The following RBPJ variants were observed in gnomAD, a reference collection of about 807,000 sequenced individuals.
RBPJ encodes the protein recombining binding protein suppressor of hairless.
A neutral mutation model predicts 67.8 loss-of-function variants in RBPJ; 9 were observed. The observed-to-expected ratio is 0.13, with a 90% CI of 0.08 to 0.23. RBPJ has a LOEUF of 0.23. RBPJ is among the 10% of genes least tolerant of loss of function. RBPJ has a pLI of 1.00. For synonymous variants in RBPJ, 198 were observed against 203.3 expected, an observed-to-expected ratio of 0.97 and a Z score of 0.22; for missense variants, 305 against 595.6, an observed-to-expected ratio of 0.51 and a Z score of 5.08.
At chr4:26,365,825 G>A (rs1289292563) in intron 1 of RBPJ, among the ~76,000 whole-genome samples, 4 of 152,126 alleles carry the variant, frequency 2.6e-5, no homozygotes, top group South Asian at 2.1e-4. Flanking sequence ...TTGTTAGAGA[G>A]TATCTAAGGA....
At chr4:26,122,095 G>T in the RBPJ span, among the ~76,000 whole-genome samples, 1 of 151,996 alleles carries the variant, frequency 6.6e-6, no homozygotes, top group East Asian at 1.9e-4. Flanking sequence ...TTTTATATAT[G>T]GACACATTTA....
At chr4:26,233,402 G>T (rs932896372) in intron 1 of RBPJ, among the ~76,000 whole-genome samples, 5 of 152,178 alleles carry the variant, frequency 3.3e-5, no homozygotes, top group Non-Finnish European at 7.4e-5. Flanking sequence ...CTTGCAAAAA[G>T]TTTCCTTCTT....
At chr4:26,411,240 G>A (rs1733978108) in intron 3 of RBPJ, among the ~76,000 whole-genome samples, 1 of 152,030 alleles carries the variant, frequency 6.6e-6, no homozygotes, top group Non-Finnish European at 1.5e-5. Context: ...GTGAAAGTCT[G>A]ACTCTGTCTT....
chr4:26,257,504 C>G (rs1720379915), intron 1 of RBPJ, among the ~76,000 whole-genome samples: 1 of 152,206 alleles, frequency 6.6e-6, no homozygotes, highest in Non-Finnish European at 1.5e-5. Context: ...TGGTGCATGC[C>G]TGTAATCCCA....
At chr4:26,226,434 T>G (rs941207191) in intron 1 of RBPJ, among the ~76,000 whole-genome samples, 1 of 152,202 alleles carries the variant, frequency 6.6e-6, no homozygotes, top group Non-Finnish European at 1.5e-5. Flanking sequence ...GTGATTGTAC[T>G]ACTGCACTTG....
In RBPJ at chr4:26,432,668, G is replaced by A. The variant is rs754065620; in HGVS notation, c.*1661G>A. On this transcript the variant is annotated 3_prime_UTR_variant, in exon 11 of 11. Transcript: ENST00000355476. ...CACGTGTGTAATGTTATACAACACA[G>A]TCTAGTAATACAATCATCCCTCTTA... The A allele has an allele frequency of 6.6e-6, 1 of 152,200 alleles. No individual in the cohort carries two copies. The highest frequency in any genetic ancestry group is 1.5e-5 in the Non-Finnish European group (1 of 68,032). The allele number at this position is 152,200 out of a possible 1,614,324, so 9.4% of individuals were successfully genotyped here.
At chr4:26,162,256 C>T (rs922715111), upstream of RBPJ, among the ~76,000 whole-genome samples, 17 of 152,314 alleles carry the variant, frequency 1.1e-4, no homozygotes, top group African/African-American at 3.8e-4. Flanking sequence ...GACAGCCGAC[C>T]GTCTCACTTT....
intron 1 of RBPJ, among the ~76,000 whole-genome samples, chr4:26,222,494 CA>C (rs35321984): frequency 0.15 from 8,746 of 58,860 alleles, 272 homozygotes; most frequent in African/African-American, 0.22. Flanking sequence ...AACTCAATCT[CA>C]AAAAAAAAAA....
intron 1 of RBPJ, among the ~76,000 whole-genome samples, chr4:26,211,235 T>G (rs1718412458): frequency 6.6e-6 from 1 of 152,166 alleles, no homozygotes; most frequent in Non-Finnish European, 1.5e-5. Context: ...TACATATGCC[T>G]AGTAGCACTT....
At chr4:26,335,890 T>C (rs1464745694) in intron 1 of RBPJ, among the ~76,000 whole-genome samples, 2 of 152,120 alleles carry the variant, frequency 1.3e-5, no homozygotes, top group Non-Finnish European at 2.9e-5. Context: ...CCCAAAGTGC[T>C]GGGATTACAG....
At chr4:26,358,111 G>A (rs891327712) in intron 1 of RBPJ, among the ~76,000 whole-genome samples, 2 of 151,190 alleles carry the variant, frequency 1.3e-5, no homozygotes, top group Non-Finnish European at 2.9e-5. Flanking sequence ...ATAAAATTGA[G>A]TTTGATAAAA....
intron 1 of RBPJ, among the ~76,000 whole-genome samples, chr4:26,351,714 G>A (rs1037659055): frequency 6.6e-6 from 1 of 152,190 alleles, no homozygotes; most frequent in Admixed American, 6.6e-5. Context: ...AACAATACAG[G>A]ACAATGGTAT....
At chr4:26,217,192 T>G (rs910895057) in intron 1 of RBPJ, among the ~76,000 whole-genome samples, 1 of 152,208 alleles carries the variant, frequency 6.6e-6, no homozygotes, top group Non-Finnish European at 1.5e-5. Flanking sequence ...AAAGGCAATA[T>G]GTAAAGACCA....
chr4:26,356,495 A>G (rs2109470769), intron 1 of RBPJ, among the ~76,000 whole-genome samples: 1 of 152,356 alleles, frequency 6.6e-6, no homozygotes, highest in East Asian at 1.9e-4. Flanking sequence ...CACTGTTACA[A>G]ATTTGAATAT....
At chr4:26,419,638 A>G (rs1468742577) in intron 4 of RBPJ, among the ~76,000 whole-genome samples, 1 of 152,308 alleles carries the variant, frequency 6.6e-6, no homozygotes, top group South Asian at 2.1e-4. Context: ...AAAAAATATA[A>G]TTCGATACTT....
chr4:26,393,064 C>T (rs1224085353), intron 2 of RBPJ, among the ~76,000 whole-genome samples: 1 of 152,104 alleles, frequency 6.6e-6, no homozygotes, highest in Non-Finnish European at 1.5e-5. Flanking sequence ...CCAGGCTGGT[C>T]TCGAACTCCT....
At chr4:26,211,182 C>G (rs558046611) in intron 1 of RBPJ, among the ~76,000 whole-genome samples, 1 of 152,074 alleles carries the variant, frequency 6.6e-6, no homozygotes, top group East Asian at 1.9e-4. Context: ...ACCATATGCA[C>G]GTGTATGTGT....
intron 2 of RBPJ, among the ~76,000 whole-genome samples, chr4:26,390,330 T>C (rs966418105): frequency 6.6e-6 from 1 of 152,202 alleles, no homozygotes; most frequent in African/African-American, 2.4e-5. Context: ...GTTTTTCCTC[T>C]AACATTAGGA....
At chr4:26,336,968 G>A (rs1048425231) in intron 1 of RBPJ, among the ~76,000 whole-genome samples, 47 of 151,952 alleles carry the variant, frequency 3.1e-4, no homozygotes, top group African/African-American at 1.1e-3. Context: ...TTTGTTTAGC[G>A]TTTTTTGTTT....
Sources: allele counts gnomAD v4.1 joint callset (sites outside exome capture counted in the v4.1 genomes callset), GRCh38; gene constraint gnomAD v4.1.1; transcripts MANE v1.5; gene names NCBI Gene and HGNC (gene_info 2026-07-23, HGNC 2026-07-21).